TCF4: variants seen among roughly 807,000 people sequenced by gnomAD.
The protein encoded by TCF4 is transcription factor 4, also known as SL3-3 enhancer factor 2.
In TCF4, 3 loss-of-function variants were observed where a neutral mutation model predicts 82.1. The ratio of observed to expected loss-of-function variants is 0.04; its 90% confidence interval spans 0.02 to 0.09. The LOEUF (loss-of-function observed/expected upper bound fraction) is 0.09, where lower values mean the gene tolerates loss of function less well. TCF4 is among the 10% of genes least tolerant of loss of function. The pLI is 1.00. For synonymous variants in TCF4, 276 were observed against 309.6 expected, an observed-to-expected ratio of 0.89 and a Z score of 1.14; for missense variants, 518 against 852.7, an observed-to-expected ratio of 0.61 and a Z score of 4.89.
Position 55,350,789 on chromosome 18 carries a change from T to TG in TCF4, c.499+84dup, listed in dbSNP as rs1013343103. 1.9e-4 allele frequency: 293 copies of TG among 1,547,048 alleles called. 1 individual carries two copies. Among genetic ancestry groups the TG allele is most frequent in the South Asian group, 8.3e-4 (73 of 88,108 alleles). On this transcript the variant is annotated intron_variant, in intron 7 of 19. Coordinates refer to ENST00000354452, the MANE Select transcript of TCF4 (RefSeq NM_001083962.2). The stretch of plus-strand genomic sequence containing the variant: ...GGTTTTCTTGGGGTGGGAGGTAGGA[T>TG]GGGGGGGCGATATTTTAAAGAAAGA...
At chr18:55,563,282 G>GCTAAT (rs1334485795) in intron 3 of TCF4, among the ~76,000 whole-genome samples, 2 of 150,048 alleles carry the variant, frequency 1.3e-5, no homozygotes, top group African/African-American at 4.9e-5. Flanking sequence ...TCTTTCTCTG[G>GCTAAT]CTAATAAAAA....
intron 14 of TCF4, 113 bp downstream of exon 14, chr18:55,257,202 C>T: frequency 8.9e-7 from 1 of 1,128,158 alleles, no homozygotes; most frequent in Non-Finnish European, 1.3e-6. Flanking sequence ...GTGCTTAATG[C>T]TGACTTAAAG....
intron 3 of TCF4, among the ~76,000 whole-genome samples, chr18:55,533,169 C>G (rs1000531150): frequency 6.6e-6 from 1 of 152,086 alleles, no homozygotes; most frequent in Non-Finnish European, 1.5e-5. Context: ...AAGAAACACC[C>G]CTGATTAAAG....
intron 8 of TCF4, among the ~76,000 whole-genome samples, chr18:55,303,332 G>A (rs1265221488): frequency 6.6e-6 from 1 of 151,588 alleles, no homozygotes; most frequent in Non-Finnish European, 1.5e-5. Context: ...GTAAAATGCA[G>A]GATCGCTTTC....
At chr18:55,495,130 G>A (rs545583133) in intron 3 of TCF4, among the ~76,000 whole-genome samples, 1 of 152,054 alleles carries the variant, frequency 6.6e-6, no homozygotes, top group African/African-American at 2.4e-5. Context: ...TTCACAACCT[G>A]TTTGATTCAG....
chr18:55,326,121 A>T (rs536008297), intron 8 of TCF4, among the ~76,000 whole-genome samples: 3 of 152,188 alleles, frequency 2.0e-5, no homozygotes, highest in Non-Finnish European at 4.4e-5. Flanking sequence ...AGACACTGGA[A>T]TCAGGGTGTG....
Position 55,223,582 on chromosome 18 carries a change from A to G in TCF4, c.*4453T>C, listed in dbSNP as rs1411443400. 1 of 152,562 alleles carries G rather than the reference A, an allele frequency of 6.6e-6. No homozygotes were observed. The highest frequency in any genetic ancestry group is 1.5e-5 in the Non-Finnish European group (1 of 68,034). The allele number at this position is 152,562 out of a possible 1,614,324, so 9.5% of individuals were successfully genotyped here. On this transcript the variant is annotated 3_prime_UTR_variant, in exon 20 of 20. Transcript: ENST00000354452. ...TTTTGTCTTGAAGGAACTCCAGCACACAACCTGTTTGGACACTTCTACAAA... is the reference window on the plus strand; with the variant it reads ...TTTTGTCTTGAAGGAACTCCAGCACGCAACCTGTTTGGACACTTCTACAAA...
intron 5 of TCF4, among the ~76,000 whole-genome samples, chr18:55,415,450 T>A (rs1290587629): frequency 9.9e-5 from 15 of 152,136 alleles, no homozygotes. Context: ...TCAGTTCCTA[T>A]GTGAGCAGCC....
intron 8 of TCF4, among the ~76,000 whole-genome samples, chr18:55,282,856 C>A (rs1431254324): frequency 1.3e-5 from 2 of 151,818 alleles, no homozygotes; most frequent in Admixed American, 6.6e-5. Flanking sequence ...CAATAATACG[C>A]TTAGATCAAG....
chr18:55,432,129 C>G (rs2095218668), intron 5 of TCF4, among the ~76,000 whole-genome samples: 1 of 152,108 alleles, frequency 6.6e-6, no homozygotes, highest in Non-Finnish European at 1.5e-5. Context: ...TGGCGAAACC[C>G]TGTCTCTACT....
intron 3 of TCF4, among the ~76,000 whole-genome samples, chr18:55,542,593 T>A (rs2097173440): frequency 1.3e-5 from 2 of 151,928 alleles, no homozygotes; most frequent in South Asian, 4.1e-4. Flanking sequence ...TTAACCAACA[T>A]TTTCTTCTGA....
At chr18:55,503,900 C>T (rs1676216682) in intron 3 of TCF4, among the ~76,000 whole-genome samples, 1 of 152,172 alleles carries the variant, frequency 6.6e-6, no homozygotes, top group South Asian at 2.1e-4. Context: ...CGTGATGAAA[C>T]TCCATCTCTA....
At chr18:55,550,580 T>A (rs371474494) in intron 3 of TCF4, 1 of 152,206 alleles carries the variant, frequency 6.6e-6, no homozygotes, top group African/African-American at 2.4e-5. Context: ...TGTGTGCATG[T>A]AGTACAGCGC....
chr18:55,271,775 C>T (rs1310734245), intron 10 of TCF4, among the ~76,000 whole-genome samples: 1 of 151,998 alleles, frequency 6.6e-6, no homozygotes, highest in Non-Finnish European at 1.5e-5. Context: ...GGGCCCATTC[C>T]ATAGTACAGC....
intron 2 of TCF4, among the ~76,000 whole-genome samples, chr18:55,625,443 T>A (rs530663249): frequency 1.3e-5 from 2 of 152,286 alleles, no homozygotes; most frequent in East Asian, 3.9e-4. Flanking sequence ...TTCACCATAT[T>A]GGCCAGGATG....
At chr18:55,553,227 T>A (rs1464792380) in intron 3 of TCF4, 1 of 152,222 alleles carries the variant, frequency 6.6e-6, no homozygotes, top group African/African-American at 2.4e-5. Flanking sequence ...TCACTTCATG[T>A]CCTCTTTTGG....
At chr18:55,264,881 G>A (rs1397558344) in intron 11 of TCF4, 4 of 152,192 alleles carry the variant, frequency 2.6e-5, no homozygotes, top group Non-Finnish European at 1.5e-5. Context: ...AATGGAAGAT[G>A]AGCAGTTATT....
Position 55,621,685 on chromosome 18 carries a change from T to TATACATTA in TCF4, c.286+9612_286+9613insTAATGTAT, listed in dbSNP as rs1491184199. ...TACATTATATAATATACATTATATATTATATTATATAATATATATTATATA... is the reference window on the plus strand; with the variant it reads ...TACATTATATAATATACATTATATATATACATTATATATTATATAATATATATTATATA... On this transcript the variant is annotated intron_variant, in intron 2 of 20. Coordinates refer to the TCF4 transcript ENST00000398339. Among the ~76,000 whole-genome samples, 78 of 9,814 alleles carry TATACATTA rather than the reference T, an allele frequency of 7.9e-3. 3 individuals carry two copies. Among genetic ancestry groups the TATACATTA allele is most frequent in the East Asian group, 0.016 (3 of 186 alleles). 6.4% of individuals were successfully genotyped at this position (9,814 alleles called of 152,430 possible). A position where few individuals can be genotyped will look rare whatever the true frequency, so the allele number is the denominator to read the frequency against.
intron 8 of TCF4, among the ~76,000 whole-genome samples, chr18:55,280,695 A>G (rs1459024105): frequency 6.6e-6 from 1 of 152,146 alleles, no homozygotes; most frequent in Non-Finnish European, 1.5e-5. Flanking sequence ...GTGAGCCTAC[A>G]GTGATATTCA....
Sources: allele counts gnomAD v4.1 joint callset (sites outside exome capture counted in the v4.1 genomes callset), GRCh38; gene constraint gnomAD v4.1.1; transcripts MANE v1.5; gene names NCBI Gene and HGNC (gene_info 2026-07-23, HGNC 2026-07-21).